The following FST variants were observed in gnomAD, a reference collection of about 807,000 sequenced individuals.
FST encodes the protein activin-binding protein.
Under a neutral mutation model 38.4 loss-of-function variants are expected in FST, and 6 were observed. The ratio of observed to expected loss-of-function variants is 0.16; its 90% CI spans 0.09 to 0.31. The LOEUF (loss-of-function observed/expected upper bound fraction) is 0.31. FST is among the 10% of genes least tolerant of loss of function. The pLI is 1.00. For synonymous variants in FST, 157 were observed against 169.8 expected (o/e 0.92, Z 0.59); for missense variants, 301 against 432.3 (o/e 0.70, Z 2.69).
chr5:53,483,947 G>A lies in FST; in HGVS notation c.497-122G>A, dbSNP rs1747394428. Reference sequence around the variant, plus strand: ...TAGATTCTCTCTTGAAAACTACAGGGCTCCCTAAGTGCCTTTTGAAAGCTG... The same window carrying A: ...TAGATTCTCTCTTGAAAACTACAGGACTCCCTAAGTGCCTTTTGAAAGCTG... On this transcript the variant is annotated intron_variant, in intron 3 of 5. Coordinates refer to ENST00000256759, the MANE Select transcript of FST (RefSeq NM_013409.3). The surrounding 1 kb of genome is among the most constrained non-coding windows in gnomAD (Gnocchi z 4.1). The A allele has an allele frequency of 1.2e-6, 1 of 807,844 alleles. No individual in the cohort carries two copies. The highest frequency in any genetic ancestry group is 2.0e-6 in the Non-Finnish European group (1 of 499,066). The allele number at this position is 807,844 out of a possible 1,614,324, so 50.0% of individuals were successfully genotyped here. A position where few individuals can be genotyped will look rare whatever the true frequency, so the allele number is the denominator to read the frequency against.
Position 53,483,831 on chromosome 5 carries a change from G to A in FST, c.496+109G>A. ...GGGGATGGTGTAGTCCGCAGTAAGA[G>A]CCTGATAATAGTAATACTGAAACCA... On this transcript the variant is annotated intron_variant, in intron 3 of 5. Transcript: ENST00000256759. The surrounding 1 kb of genome is among the most constrained non-coding windows in gnomAD (Gnocchi z 4.1). 4 of 780,594 alleles carry A rather than the reference G, an allele frequency of 5.1e-6. No homozygotes were observed. The highest frequency in any genetic ancestry group is 8.4e-6 in the Non-Finnish European group (4 of 474,976). 48.4% of individuals were successfully genotyped at this position (780,594 alleles called of 1,614,324 possible).
chr5:53,480,836 G>T lies in FST; in HGVS notation c.45G>T (p.Leu15=), dbSNP rs551392710. ...RHQPGGLCLL[L]LLLCQFMEDR... is the part of the protein sequence containing the mutation. ...AGCCGGGTGGGCTTTGCCTCCTGCT[G>T]CTGCTGCTCTGCCAGTTCATGGAGG... The change falls in exon 1 of 6, where the codon CTG becomes CTT. Residue 15 remains leucine, a synonymous_variant. Coordinates refer to ENST00000256759, the MANE Select transcript of FST (RefSeq NM_013409.3). The T allele has an allele frequency of 1.0e-5, 16 of 1,534,116 alleles. No homozygotes were observed. In the East Asian group the frequency reaches 3.3e-4, roughly 32 times the overall value.
At position 53,484,226 on chromosome 5, in the gene FST, C is replaced by T; in HGVS notation, c.654C>T (p.Cys218=). 1.2e-6 allele frequency: 2 copies of T among 1,611,326 alleles called. No homozygotes were observed. The change falls in exon 4 of 6, where the codon TGC becomes TGT. Residue 218 remains cysteine (C), a synonymous_variant. Coordinates refer to ENST00000256759, the MANE Select transcript of FST (RefSeq NM_013409.3). ...GNDGVTYSSA[C]HLRKATCLLG... ...ATGGAGTCACCTACTCCAGTGCCTG[C>T]CACCTGAGAAAGGCTACCTGCCTGC...
Position 53,480,715 on chromosome 5 carries a change from C to G in FST, c.-77C>G, listed in dbSNP as rs1017612609. ...CTCCGCCGCTGGCCTCTGCGACGCGCGCCGCTCGCCCGAGCCACCCGCCGC... is the reference window on the plus strand; with the variant it reads ...CTCCGCCGCTGGCCTCTGCGACGCGGGCCGCTCGCCCGAGCCACCCGCCGC... On this transcript the variant is annotated 5_prime_UTR_variant, in exon 1 of 6. Coordinates refer to ENST00000256759, the MANE Select transcript of FST (RefSeq NM_013409.3). 138 of 319,650 alleles carry G rather than the reference C, an allele frequency of 4.3e-4. No individual in the cohort carries two copies. The highest frequency in any genetic ancestry group is 2.8e-3 in the Middle Eastern group (2 of 716). 19.8% of individuals were successfully genotyped at this position (319,650 alleles called of 1,614,324 possible).
chr5:53,484,520 T>G (rs548167867), intron 4 of FST, among the ~76,000 whole-genome samples: 2 of 152,336 alleles, frequency 1.3e-5, no homozygotes, highest in South Asian at 4.1e-4. Flanking sequence ...AGGAACAGTA[T>G]TCCGTCTTAG....
rs146861215 is a variant in FST at position 53,483,822 on chromosome 5, G to A, written c.496+100G>A. ...AGACCCTTGGGGGATGGTGTAGTCC[G>A]CAGTAAGAGCCTGATAATAGTAATA... On this transcript the variant is annotated intron_variant, in intron 3 of 5. Transcript: ENST00000256759. This position sits in a 1 kb window ranked among gnomAD's most constrained non-coding sequence, Gnocchi z 4.1. The A allele has an allele frequency of 4.9e-6, 4 of 818,114 alleles. No homozygotes were observed. The highest frequency in any genetic ancestry group is 7.9e-6 in the Non-Finnish European group (4 of 503,280). 50.7% of individuals were successfully genotyped at this position (818,114 alleles called of 1,614,324 possible).
At chr5:53,481,111 G>C (rs1189702600) in intron 1 of FST, among the ~76,000 whole-genome samples, 1 of 152,042 alleles carries the variant, frequency 6.6e-6, no homozygotes, top group South Asian at 2.1e-4. Context: ...TGGGGTCTTA[G>C]TAGTTAGGGT....
rs367861756 is a variant in FST, at chr5:53,482,629, TCTCCCTCC to T, written c.86-243_86-236del. 1.7e-3 allele frequency: 806 copies of T among 471,192 alleles called. 7 individuals carry two copies. Among genetic ancestry groups the T allele is most frequent in the African/African-American group, 0.015 (744 of 50,132 alleles). The allele number at this position is 471,192 out of a possible 1,614,324, so 29.2% of individuals were successfully genotyped here. ...GCTGGGGCGCCCTGTCTTCTCCCTC[TCTCCCTCC>T]CTCCCTCTCGCCCACCTCCCATCTC... On this transcript the variant is annotated intron_variant, in intron 1 of 5. Coordinates refer to ENST00000256759, the MANE Select transcript of FST (RefSeq NM_013409.3).
chr5:53,480,924 G>T, intron 1 of FST, 48 bp downstream of exon 1: 1 of 1,107,200 alleles, frequency 9.0e-7, no homozygotes. Flanking sequence ...GGACAGGGGG[G>T]TCGACTTTTC....
At chr5:53,485,497 T>G (rs1410046751) in intron 5 of FST, among the ~76,000 whole-genome samples, 2 of 152,156 alleles carry the variant, frequency 1.3e-5, no homozygotes, top group Admixed American at 6.5e-5. Flanking sequence ...GGTAGTGTGC[T>G]TTGCTGTTTG....
At position 53,483,414 on chromosome 5, in the gene FST, G is replaced by C. The variant is rs1747360106; in HGVS notation, c.278-90G>C. The C allele has an allele frequency of 1.0e-6, 1 of 973,408 alleles. No homozygotes were observed. The highest frequency in any genetic ancestry group is 1.6e-6 in the Non-Finnish European group (1 of 626,206). The allele number at this position is 973,408 out of a possible 1,614,324, so 60.3% of individuals were successfully genotyped here. On this transcript the variant is annotated intron_variant, in intron 2 of 5. Transcript: ENST00000256759. This position sits in a 1 kb window ranked among gnomAD's most constrained non-coding sequence, Gnocchi z 4.1. ...GCCCCTCCAGCGCAAACTCAGGGCT[G>C]CATGATTGCGCAAGGCACCCGAAGC...
rs748802894 is a variant in FST, at chr5:53,486,080, A to AAG, written c.*48_*49insGA. ...TTGACATAGCCTTTGTGCAAAAAAA[A>AAG]AAAAAAAAAAAAAGAAAAAGAAAAA... On this transcript the variant is annotated 3_prime_UTR_variant, in exon 6 of 6. Transcript: ENST00000256759. The AAG allele has an allele frequency of 1.0e-5, 9 of 875,036 alleles. No individual in the cohort carries two copies. Among genetic ancestry groups the AAG allele is most frequent in the Admixed American group, 5.4e-5 (2 of 36,776 alleles). The allele number at this position is 875,036 out of a possible 1,614,324, so 54.2% of individuals were successfully genotyped here. A position where few individuals can be genotyped will look rare whatever the true frequency, so the allele number is the denominator to read the frequency against.
At position 53,480,765 on chromosome 5, in the gene FST, G is replaced by C. The variant is rs1747147992; in HGVS notation, c.-27G>C. ...CCGCGCCGGCTCCCCGCGCCGCTGC[G>C]CTCCTCGCCCCGCGCCTGCCCCCAG... On this transcript the variant is annotated 5_prime_UTR_variant, in exon 1 of 6. Coordinates refer to ENST00000256759, the MANE Select transcript of FST (RefSeq NM_013409.3). The C allele has an allele frequency of 2.4e-6, 3 of 1,237,998 alleles. 1 individual carries two copies. Among genetic ancestry groups the C allele is most frequent in the South Asian group, 3.7e-5 (2 of 54,510 alleles). 76.7% of individuals were successfully genotyped at this position (1,237,998 alleles called of 1,614,324 possible).
rs779774901 is a variant in FST, at chr5:53,480,890, GA to G, written c.85+15del. On this transcript the variant is annotated intron_variant, in intron 1 of 5. Coordinates refer to ENST00000256759, the MANE Select transcript of FST (RefSeq NM_013409.3). Reference sequence around the variant, plus strand: ...GCAGTGCCCAGGGTAAGCGAGTGGGGATGCGCTGGGGAGGCTTGGCTGAGGA... The same window carrying G: ...GCAGTGCCCAGGGTAAGCGAGTGGGGTGCGCTGGGGAGGCTTGGCTGAGGA... 6.6e-5 allele frequency: 96 copies of G among 1,463,238 alleles called. No homozygotes were observed. Among genetic ancestry groups the G allele is most frequent in the Non-Finnish European group, 8.5e-5 (92 of 1,076,882 alleles). 90.6% of individuals were successfully genotyped at this position (1,463,238 alleles called of 1,614,324 possible).
At chr5:53,485,546 GTT>G (rs5867881) in intron 5 of FST, 304,260 of 631,400 alleles carry the variant, frequency 0.48, 33,443 homozygotes, top group African/African-American at 0.54. Flanking sequence ...TGCTTCAAAA[GTT>G]TTTTTTTTTT....
chr5:53,480,926 C>A, intron 1 of FST, 50 bp downstream of exon 1: 1 of 1,042,346 alleles, frequency 9.6e-7, no homozygotes, highest in South Asian at 1.5e-5. Context: ...ACAGGGGGGT[C>A]GACTTTTCTG....
chr5:53,483,100 C>G lies in FST; in HGVS notation c.277+29C>G, dbSNP rs1747342205. 1 of 1,515,842 alleles carries G rather than the reference C, an allele frequency of 6.6e-7. No individual in the cohort carries two copies. The highest frequency in any genetic ancestry group is 1.4e-5 in the African/African-American group (1 of 73,076). The allele number at this position is 1,515,842 out of a possible 1,614,324, so 93.9% of individuals were successfully genotyped here. On this transcript the variant is annotated intron_variant, in intron 2 of 5. Coordinates refer to ENST00000256759, the MANE Select transcript of FST (RefSeq NM_013409.3). This position sits in a 1 kb window ranked among gnomAD's most constrained non-coding sequence, Gnocchi z 4.1. Reference sequence around the variant, plus strand: ...GGACTCCTTCTTCCCAACTTGCAGGCCCTCAGTAGAGGGCGTCTTACCCTT... The same window carrying G: ...GGACTCCTTCTTCCCAACTTGCAGGGCCTCAGTAGAGGGCGTCTTACCCTT...
In FST at chr5:53,483,255, G is replaced by A. The variant is rs939659278; in HGVS notation, c.277+184G>A. Among the ~76,000 whole-genome samples the A allele has an allele frequency of 6.6e-6, 1 of 152,186 alleles. No homozygotes were observed. Among genetic ancestry groups the A allele is most frequent in the African/African-American group, 2.4e-5 (1 of 41,452 alleles). On this transcript the variant is annotated intron_variant, in intron 2 of 5. Transcript: ENST00000256759. This position sits in a 1 kb window ranked among gnomAD's most constrained non-coding sequence, Gnocchi z 4.1. ...CTGTTACAGGCTGTAGGGAATACACGCCAGACTTCTTAGCCAAGTGTGGTG... is the reference window on the plus strand; with the variant it reads ...CTGTTACAGGCTGTAGGGAATACACACCAGACTTCTTAGCCAAGTGTGGTG...
At chr5:53,482,780 C>A in intron 1 of FST, 100 bp from the exon 2 acceptor site, 1 of 656,962 alleles carries the variant, frequency 1.5e-6, no homozygotes, top group South Asian at 1.9e-5. Context: ...TCACCCCCTC[C>A]CCATCCCCGC....
Sources: allele counts gnomAD v4.1 joint callset (sites outside exome capture counted in the v4.1 genomes callset), GRCh38; gene constraint gnomAD v4.1.1; non-coding constraint Gnocchi (gnomAD v3.1); transcripts MANE v1.5; gene names NCBI Gene and HGNC (gene_info 2026-07-23, HGNC 2026-07-21).